The following PDLIM3 variants were observed in gnomAD, a reference collection of about 807,000 sequenced individuals.
The protein encoded by PDLIM3 is PDZ and LIM domain protein 3.
A neutral mutation model predicts 37.3 loss-of-function variants in PDLIM3; 36 were observed. The ratio of observed to expected loss-of-function variants is 0.97; its 90% confidence interval spans 0.74 to 1.28. The LOEUF (loss-of-function observed/expected upper bound fraction) is 1.28, where lower values mean the gene tolerates loss of function less well. Among genes scored for constraint, PDLIM3 ranks in the 50% most tolerant of loss-of-function variants. The probability of loss-of-function intolerance (pLI) is 0.00; values close to 1 mark genes in which losing one functional copy is unlikely to be tolerated. For missense variants in PDLIM3, 454 were observed against 485.0 expected, an observed-to-expected ratio of 0.94 and a Z score of 0.60; for synonymous variants, 174 against 182.4, an observed-to-expected ratio of 0.95 and a Z score of 0.37.
chr4:185,502,719 G>A (rs1430892196), intron 7 of PDLIM3, among the ~76,000 whole-genome samples: 1 of 152,148 alleles, frequency 6.6e-6, no homozygotes, highest in African/African-American at 2.4e-5. Context: ...CTATTTTTCA[G>A]ATTTTCAAAC....
At chr4:185,503,863 G>A (rs544807275) in intron 7 of PDLIM3, among the ~76,000 whole-genome samples, 14 of 152,246 alleles carry the variant, frequency 9.2e-5, no homozygotes, top group South Asian at 4.2e-4. Flanking sequence ...CAGGAGAATC[G>A]CTTGAACCTG....
At position 185,535,411 on chromosome 4, in the gene PDLIM3, C is replaced by G; in HGVS notation, c.24G>C (p.Pro8=). ...GCCTGAAGCCCCAGGGCGCAGGGCC[C>G]GGGAGGATCACCGTCTGGGGCATGC... MPQTVIL[P]GPAPWGFRLS... is the part of the protein sequence containing the mutation. Residue 8 remains proline, a synonymous_variant, in exon 1 of 8, where the codon CCG becomes CCC. Transcript: ENST00000284767. The G allele has an allele frequency of 1.2e-6, 2 of 1,603,968 alleles. No homozygotes were observed. Among genetic ancestry groups the G allele is most frequent in the Admixed American group, 1.7e-5 (1 of 59,126 alleles).
chr4:185,519,927 T>C (rs995720806), intron 3 of PDLIM3, among the ~76,000 whole-genome samples: 1 of 152,232 alleles, frequency 6.6e-6, no homozygotes, highest in African/African-American at 2.4e-5. Context: ...CATTTGTTTC[T>C]CTAACTGACA....
At chr4:185,515,933 T>G (rs1478406856) in intron 3 of PDLIM3, 1 of 152,158 alleles carries the variant, frequency 6.6e-6, no homozygotes, top group Non-Finnish European at 1.5e-5. Context: ...AGAGTTTCAC[T>G]CTTGTTGCCC....
At chr4:185,533,319 T>C (rs908551228) in intron 1 of PDLIM3, among the ~76,000 whole-genome samples, 4 of 152,236 alleles carry the variant, frequency 2.6e-5, no homozygotes, top group Admixed American at 1.3e-4. Context: ...AATACTTTTC[T>C]GTAATACTTT....
intron 4 of PDLIM3, chr4:185,513,728 T>C: frequency 9.9e-7 from 1 of 1,013,266 alleles, no homozygotes; most frequent in African/African-American, 1.7e-5. Flanking sequence ...CACTGTTTCC[T>C]GATTTGGCAA....
rs1330506684 is a variant in PDLIM3 at position 185,508,565 on chromosome 4, G to C, written c.399-3C>G. 2 of 1,613,708 alleles carry C rather than the reference G, an allele frequency of 1.2e-6. No homozygotes were observed. The highest frequency in any genetic ancestry group is 1.7e-6 in the Non-Finnish European group (2 of 1,179,744). ...TCCCGGAGGGAGTGCTGCATCCACT[G>C]TGTTAATGGATACACGTTACACAGA... On this transcript the variant is annotated splice_region_variant and splice_polypyrimidine_tract_variant and intron_variant, in intron 4 of 7. Coordinates refer to ENST00000284767, the MANE Select transcript of PDLIM3 (RefSeq NM_014476.6).
At chr4:185,528,508 C>T (rs951833001) in intron 1 of PDLIM3, among the ~76,000 whole-genome samples, 9 of 152,316 alleles carry the variant, frequency 5.9e-5, no homozygotes, top group African/African-American at 2.2e-4. Flanking sequence ...AGCTCCTTCT[C>T]ACACGTTTGA....
intron 4 of PDLIM3, among the ~76,000 whole-genome samples, chr4:185,509,823 TAAG>T (rs1730838046): frequency 1.3e-5 from 2 of 152,142 alleles, no homozygotes; most frequent in Admixed American, 1.3e-4. Context: ...CATATAAAGA[TAAG>T]AAACCAAAAG....
In PDLIM3 at chr4:185,501,539, T is replaced by G. The variant is rs1297093877; in HGVS notation, c.*755A>C. ...CTGTTGAAGCAAGTGAAACTTTTAA[T>G]TTGAAAGAGACTGAACTACCTTTAA... On this transcript the variant is annotated 3_prime_UTR_variant, in exon 8 of 8. Transcript: ENST00000284767. The G allele has an allele frequency of 6.6e-6, 1 of 152,242 alleles. No individual in the cohort carries two copies. Among genetic ancestry groups the G allele is most frequent in the Non-Finnish European group, 1.5e-5 (1 of 68,068 alleles). The allele number at this position is 152,242 out of a possible 1,614,324, so 9.4% of individuals were successfully genotyped here. A position where few individuals can be genotyped will look rare whatever the true frequency, so the allele number is the denominator to read the frequency against.
chr4:185,513,934 G>A lies in PDLIM3; in HGVS notation c.398+336C>T, dbSNP rs534832488. 1.6e-4 allele frequency: 192 copies of A among 1,211,826 alleles called. No homozygotes were observed. In the African/African-American group the frequency reaches 2.7e-3, roughly 17 times the overall value. The allele number at this position is 1,211,826 out of a possible 1,614,324, so 75.1% of individuals were successfully genotyped here. A position where few individuals can be genotyped will look rare whatever the true frequency, so the allele number is the denominator to read the frequency against. On this transcript the variant is annotated intron_variant, in intron 4 of 7. Coordinates refer to ENST00000284767, the MANE Select transcript of PDLIM3 (RefSeq NM_014476.6). The stretch of plus-strand genomic sequence containing the variant: ...TTTCCATGCTCGCTCCTGCTGGCAG[G>A]GCTTTCCTGACCTGGGATAGACATA...
intron 5 of PDLIM3, 91 bp downstream of exon 5, chr4:185,508,208 T>C: frequency 8.1e-7 from 1 of 1,239,350 alleles, no homozygotes; most frequent in South Asian, 1.2e-5. Flanking sequence ...TAGCTTTCTT[T>C]CCATTAAGAC....
intron 1 of PDLIM3, among the ~76,000 whole-genome samples, chr4:185,532,900 G>A (rs72715925): frequency 0.047 from 7,126 of 152,264 alleles, 243 homozygotes; most frequent in Non-Finnish European, 0.072. Flanking sequence ...AGATGTTGAA[G>A]ACAGCATCAA....
At chr4:185,524,405 T>C (rs899681258) in intron 2 of PDLIM3, among the ~76,000 whole-genome samples, 2 of 152,126 alleles carry the variant, frequency 1.3e-5, no homozygotes, top group Non-Finnish European at 2.9e-5. Flanking sequence ...AAATTATTAT[T>C]ATCATGGTTC....
intron 4 of PDLIM3, among the ~76,000 whole-genome samples, chr4:185,510,177 A>C (rs571342287): frequency 6.6e-6 from 1 of 152,298 alleles, no homozygotes; most frequent in South Asian, 2.1e-4. Flanking sequence ...TTTAGTCAGG[A>C]TCATGTGGAT....
At chr4:185,520,342 G>A (rs1221103367) in intron 3 of PDLIM3, among the ~76,000 whole-genome samples, 1 of 152,150 alleles carries the variant, frequency 6.6e-6, no homozygotes, top group Non-Finnish European at 1.5e-5. Context: ...TCTTGGAGAG[G>A]ATGTCAGTAA....
chr4:185,523,726 C>T (rs112277182), intron 2 of PDLIM3, among the ~76,000 whole-genome samples: 1 of 150,498 alleles, frequency 6.6e-6, no homozygotes, highest in African/African-American at 2.4e-5. Context: ...CCAAGCGATT[C>T]TCCTCCCTCA....
In PDLIM3 at chr4:185,508,444, T is replaced by C; in HGVS notation, c.517A>G (p.Asn173Asp). 6.2e-7 allele frequency: 1 copy of C among 1,614,208 alleles called. No individual in the cohort carries two copies. The highest frequency in any genetic ancestry group is 2.2e-5 in the East Asian group (1 of 44,884). Residue 173 changes from asparagine (N) to aspartate (D), a missense_variant, in exon 5 of 8, where the codon AAC (asparagine) becomes GAC (aspartate). Transcript: ENST00000284767. Reference protein sequence around the residue: ...DLKVAAKLAPNIPLEMELPGV... With the variant: ...DLKVAAKLAPDIPLEMELPGV... ...GGAAGTTCCATTTCCAAAGGAATGT[T>C]AGGGGCCAGCTTAGCCGCAACTTTC...
chr4:185,514,038 G>C lies in PDLIM3; in HGVS notation c.398+232C>G, dbSNP rs112846235. Reference sequence around the variant, plus strand: ...AGGGGTGTTCGCTATAAATACACGTGGTGATTGCATACAATTTCACAGCTC... The same window carrying C: ...AGGGGTGTTCGCTATAAATACACGTCGTGATTGCATACAATTTCACAGCTC... On this transcript the variant is annotated intron_variant, in intron 4 of 7. Transcript: ENST00000284767. This position sits in a 1 kb window ranked among gnomAD's most constrained non-coding sequence, Gnocchi z 4.0. 864 of 1,415,714 alleles carry C rather than the reference G, an allele frequency of 6.1e-4. 6 individuals carry two copies. The African/African-American group carries it at 0.011, about 18-fold the overall frequency. 87.7% of individuals were successfully genotyped at this position (1,415,714 alleles called of 1,614,324 possible).
Sources: allele counts gnomAD v4.1 joint callset (sites outside exome capture counted in the v4.1 genomes callset), GRCh38; gene constraint gnomAD v4.1.1; non-coding constraint Gnocchi (gnomAD v3.1); transcripts MANE v1.5; gene names NCBI Gene and HGNC (gene_info 2026-07-23, HGNC 2026-07-21).